Variants in FMNL2 observed in about 807,000 individuals in gnomAD.
FMNL2 encodes the protein formin-like protein 2.
FMNL2 carries 51 observed loss-of-function variants against 130.2 expected under a neutral mutation model. The ratio of observed to expected loss-of-function variants is 0.39; its 90% CI spans 0.31 to 0.49. The LOEUF is 0.49. Among genes scored for constraint, FMNL2 ranks in the 20% least tolerant of loss-of-function variants. The pLI is 0.85. For missense variants in FMNL2, 977 were observed against 1,316.2 expected (o/e 0.74, Z 3.99); for synonymous variants, 465 against 467.1 (o/e 1.00, Z 0.06).
At chr2:152,488,849 G>A (rs368636352) in intron 1 of FMNL2, among the ~76,000 whole-genome samples, 4 of 151,838 alleles carry the variant, frequency 2.6e-5, no homozygotes, top group African/African-American at 7.3e-5. Context: ...AGGCTGAGGC[G>A]GGAGGATCAC....
chr2:152,396,890 A>G (rs984094853), intron 1 of FMNL2, among the ~76,000 whole-genome samples: 4 of 152,150 alleles, frequency 2.6e-5, no homozygotes, highest in Non-Finnish European at 5.9e-5. Flanking sequence ...TTCACCCCTC[A>G]TCATTATTTT....
chr2:152,365,570 G>A (rs1295606089), intron 1 of FMNL2, among the ~76,000 whole-genome samples: 1 of 151,992 alleles, frequency 6.6e-6, no homozygotes, highest in Admixed American at 6.5e-5. Flanking sequence ...TCAGGAGTTC[G>A]ACACCAGCTT....
chr2:152,557,071 C>CA (rs902816572), intron 4 of FMNL2, among the ~76,000 whole-genome samples: 4 of 151,868 alleles, frequency 2.6e-5, no homozygotes, highest in African/African-American at 9.7e-5. Flanking sequence ...CAGCCAGTTA[C>CA]AAAAAAGAAA....
At chr2:152,350,840 T>C (rs1449487175) in intron 1 of FMNL2, among the ~76,000 whole-genome samples, 1 of 152,188 alleles carries the variant, frequency 6.6e-6, no homozygotes, top group East Asian at 1.9e-4. Context: ...AGGTCAGGAC[T>C]TCGAGACCCA....
intron 1 of FMNL2, among the ~76,000 whole-genome samples, chr2:152,520,780 ACAGCATACTCACCTTTGCCTCTGTT>A (rs1693047478): frequency 6.6e-6 from 1 of 152,066 alleles, no homozygotes; most frequent in African/African-American, 2.4e-5. Flanking sequence ...TTAAGTCAGG[ACAGCATACTCACCTTTGCCTCTGTT>A]AAACTTGTTT....
intron 20 of FMNL2, 101 bp from the exon 21 acceptor site, chr2:152,631,907 T>C: frequency 7.6e-7 from 1 of 1,318,382 alleles, no homozygotes; most frequent in Non-Finnish European, 1.0e-6. Context: ...TGGGCGACTG[T>C]TACTCAGTTA....
intron 1 of FMNL2, among the ~76,000 whole-genome samples, chr2:152,445,197 G>A (rs1688269975): frequency 6.6e-6 from 1 of 152,208 alleles, no homozygotes; most frequent in Non-Finnish European, 1.5e-5. Flanking sequence ...CACCTGTGTG[G>A]CTAACGTGGG....
intron 1 of FMNL2, among the ~76,000 whole-genome samples, chr2:152,363,633 C>T (rs1683319789): frequency 6.6e-6 from 1 of 152,008 alleles, no homozygotes; most frequent in South Asian, 2.1e-4. Context: ...GTGATCTTGG[C>T]TCACTGCAAC....
intron 9 of FMNL2, among the ~76,000 whole-genome samples, chr2:152,582,555 TGAA>T (rs1696853471): frequency 6.6e-6 from 1 of 152,192 alleles, no homozygotes. Context: ...TCCAAGAGAA[TGAA>T]GAAGAATAAT....
Position 152,560,620 on chromosome 2 carries a change from A to T in FMNL2, c.444-263A>T, listed in dbSNP as rs144666626. Among the ~76,000 whole-genome samples, 506 of 152,360 alleles carry T rather than the reference A, an allele frequency of 3.3e-3. 2 individuals carry two copies. The highest frequency in any genetic ancestry group is 0.012 in the African/African-American group (493 of 41,582). On this transcript the variant is annotated intron_variant, in intron 5 of 25. Coordinates refer to ENST00000288670, the MANE Select transcript of FMNL2 (RefSeq NM_052905.4). ...ATTAGCAAGCCTTATAAAATAAAAT[A>T]CAAATAATATATCACTATTTAATTT...
intron 1 of FMNL2, among the ~76,000 whole-genome samples, chr2:152,437,556 G>A (rs1431741012): frequency 6.6e-6 from 1 of 152,198 alleles, no homozygotes; most frequent in Non-Finnish European, 1.5e-5. Flanking sequence ...CAGATTGCTG[G>A]ATTGATTTAG....
intron 5 of FMNL2, among the ~76,000 whole-genome samples, chr2:152,560,211 A>G (rs1270396805): frequency 6.6e-6 from 1 of 151,946 alleles, no homozygotes; most frequent in Non-Finnish European, 1.5e-5. Flanking sequence ...TGAGGGGGGA[A>G]ATGCATGGAG....
intron 1 of FMNL2, among the ~76,000 whole-genome samples, chr2:152,455,980 T>G (rs1377621786): frequency 6.6e-6 from 1 of 152,254 alleles, no homozygotes; most frequent in Non-Finnish European, 1.5e-5. Context: ...CCTCCCGAAG[T>G]GTTGGGATTA....
At chr2:152,347,930 T>TG (rs1682221078) in intron 1 of FMNL2, among the ~76,000 whole-genome samples, 1 of 150,182 alleles carries the variant, frequency 6.7e-6, no homozygotes, top group Non-Finnish European at 1.5e-5. Flanking sequence ...ACTTGGAAGT[T>TG]TTTTTTTTTT....
chr2:152,442,726 A>G (rs1688118625), intron 1 of FMNL2, among the ~76,000 whole-genome samples: 1 of 152,222 alleles, frequency 6.6e-6, no homozygotes, highest in Admixed American at 6.5e-5. Context: ...CCTTTAATGT[A>G]GGAACAATGA....
At chr2:152,540,868 A>T (rs1694275904) in intron 2 of FMNL2, among the ~76,000 whole-genome samples, 1 of 152,228 alleles carries the variant, frequency 6.6e-6, no homozygotes, top group African/African-American at 2.4e-5. Flanking sequence ...TAATAAGATT[A>T]TCTTTTCAGT....
intron 1 of FMNL2, among the ~76,000 whole-genome samples, chr2:152,486,664 T>C (rs568955751): frequency 2.6e-5 from 4 of 152,370 alleles, no homozygotes; most frequent in African/African-American, 7.2e-5. Flanking sequence ...CCTTGAGTTA[T>C]GAAGCTTGTT....
intron 2 of FMNL2, among the ~76,000 whole-genome samples, chr2:152,525,924 T>A (rs1693363259): frequency 1.3e-5 from 2 of 152,048 alleles, no homozygotes; most frequent in South Asian, 4.2e-4. Flanking sequence ...AAGAATATAA[T>A]TTTTTTTAAA....
intron 1 of FMNL2, among the ~76,000 whole-genome samples, chr2:152,349,605 G>C (rs750228667): frequency 2.6e-4 from 40 of 152,162 alleles, no homozygotes; most frequent in Admixed American, 1.4e-3. Context: ...AGTCCAACTT[G>C]TGTTATATGC....
Sources: gnomAD v4.1 joint callset for allele counts (sites outside exome capture counted in the v4.1 genomes callset) on GRCh38, gnomAD v4.1.1 for gene constraint, MANE v1.5 for transcripts, NCBI Gene and HGNC (gene_info 2026-07-23, HGNC 2026-07-21) for gene names.